MCTP2: variants seen among roughly 807,000 people sequenced by gnomAD.
MCTP2 encodes the protein multiple C2 and transmembrane domain-containing protein 2.
In MCTP2, 132 loss-of-function variants were observed where a neutral mutation model predicts 111.6. The ratio of observed to expected loss-of-function variants is 1.18; its 90% CI spans 1.03 to 1.37. MCTP2 has a LOEUF of 1.37. Ranked by LOEUF, MCTP2 falls within the 40% of genes most tolerant of loss-of-function variation. The pLI is 0.00. For synonymous variants in MCTP2, 395 were observed against 387.7 expected (o/e 1.02, Z -0.22); for missense variants, 1,183 against 1,067.9 (o/e 1.11, Z -1.50).
chr15:94,369,025 T>G (rs1486414027), intron 11 of MCTP2, among the ~76,000 whole-genome samples: 1 of 152,190 alleles, frequency 6.6e-6, no homozygotes, highest in Non-Finnish European at 1.5e-5. Context: ...CTGGATTTGT[T>G]TTTTAAGTTA....
intron 17 of MCTP2, among the ~76,000 whole-genome samples, chr15:94,423,876 A>G (rs1384064818): frequency 2.0e-5 from 3 of 152,228 alleles, no homozygotes; most frequent in Admixed American, 1.3e-4. Flanking sequence ...ATGTATGCAC[A>G]CATATATGCA....
At chr15:94,350,246 G>C (rs2078231102) in intron 8 of MCTP2, among the ~76,000 whole-genome samples, 1 of 152,224 alleles carries the variant, frequency 6.6e-6, no homozygotes, top group Admixed American at 6.5e-5. Context: ...ATGGAGGTAG[G>C]CTGGGATTAA....
At chr15:94,242,399 C>G (rs1316681249) in intron 1 of MCTP2, among the ~76,000 whole-genome samples, 2 of 152,112 alleles carry the variant, frequency 1.3e-5, no homozygotes, top group African/African-American at 2.4e-5. Flanking sequence ...AAGAGGGAGT[C>G]TGGATTCTTC....
At chr15:94,444,820 A>T (rs1424426406) in intron 19 of MCTP2, among the ~76,000 whole-genome samples, 1 of 152,188 alleles carries the variant, frequency 6.6e-6, no homozygotes, top group Non-Finnish European at 1.5e-5. Context: ...TGAAAGGAAG[A>T]TTTCTTCCTG....
rs192625498 is a variant in MCTP2 at position 94,364,281 on chromosome 15, T to C, written c.1302-3324T>C. On this transcript the variant is annotated intron_variant, in intron 10 of 22. Coordinates refer to ENST00000357742, the MANE Select transcript of MCTP2 (RefSeq NM_001385001.1). Reference sequence around the variant, plus strand: ...TTTAGTAGTTGCTACAGAAAACTTATGGCCCACAAACCAAAAATATTTAAT... The same window carrying C: ...TTTAGTAGTTGCTACAGAAAACTTACGGCCCACAAACCAAAAATATTTAAT... Among the ~76,000 whole-genome samples, 126 of 152,276 alleles carry C rather than the reference T, an allele frequency of 8.3e-4. 2 individuals are homozygous for C. The highest frequency in any genetic ancestry group is 2.7e-3 in the African/African-American group (114 of 41,566).
chr15:94,239,797 C>G (rs541416800), intron 1 of MCTP2, among the ~76,000 whole-genome samples: 18 of 152,286 alleles, frequency 1.2e-4, no homozygotes, highest in African/African-American at 4.3e-4. Flanking sequence ...CCAAAAGACA[C>G]GGTGGGGCTT....
chr15:94,388,320 T>C (rs2080643211), intron 14 of MCTP2, among the ~76,000 whole-genome samples: 1 of 152,204 alleles, frequency 6.6e-6, no homozygotes, highest in Admixed American at 6.5e-5. Flanking sequence ...CTTCGGCTGC[T>C]GCTGTTCACT....
At chr15:94,289,743 G>A (rs956579475) in intron 1 of MCTP2, among the ~76,000 whole-genome samples, 2 of 152,134 alleles carry the variant, frequency 1.3e-5, no homozygotes, top group Admixed American at 1.3e-4. Flanking sequence ...CTATACGCTG[G>A]TATGGTAGAC....
intron 11 of MCTP2, among the ~76,000 whole-genome samples, chr15:94,369,644 T>C (rs890364404): frequency 1.3e-5 from 2 of 152,168 alleles, no homozygotes; most frequent in Non-Finnish European, 2.9e-5. Flanking sequence ...GTGATAAGTA[T>C]CTCTGATGGG....
At chr15:94,260,586 C>T (rs544223168) in intron 1 of MCTP2, among the ~76,000 whole-genome samples, 27 of 152,202 alleles carry the variant, frequency 1.8e-4, no homozygotes, top group African/African-American at 6.0e-4. Context: ...TCCATCTCTA[C>T]CTTGAAAAGA....
At chr15:94,401,156 T>TG (rs1371257716) in intron 16 of MCTP2, among the ~76,000 whole-genome samples, 1 of 152,064 alleles carries the variant, frequency 6.6e-6, no homozygotes, top group African/African-American at 2.4e-5. Context: ...CTGGGGAACT[T>TG]GGGGCTGAAA....
intron 21 of MCTP2, among the ~76,000 whole-genome samples, chr15:94,475,131 G>A (rs1333236953): frequency 6.6e-6 from 1 of 152,028 alleles, no homozygotes; most frequent in Non-Finnish European, 1.5e-5. Context: ...TTGCCAAAAA[G>A]CCCATGCTAC....
chr15:94,251,693 G>A (rs899141951), intron 1 of MCTP2, among the ~76,000 whole-genome samples: 1 of 152,112 alleles, frequency 6.6e-6, no homozygotes, highest in African/African-American at 2.4e-5. Flanking sequence ...GTTCAGTGAC[G>A]TTATGTTTAT....
chr15:94,250,556 A>G (rs971258998), intron 1 of MCTP2, among the ~76,000 whole-genome samples: 9 of 152,346 alleles, frequency 5.9e-5, no homozygotes, highest in Admixed American at 5.9e-4. Context: ...AATTACCTAG[A>G]AAACAAAATT....
chr15:94,369,304 T>C (rs763167320), intron 11 of MCTP2, among the ~76,000 whole-genome samples: 7 of 152,200 alleles, frequency 4.6e-5, no homozygotes, highest in Non-Finnish European at 8.8e-5. Flanking sequence ...CACAGGTTTT[T>C]AGCTATCTAA....
intron 2 of MCTP2, among the ~76,000 whole-genome samples, chr15:94,312,032 G>C (rs1474357108): frequency 6.6e-6 from 1 of 152,172 alleles, no homozygotes; most frequent in Non-Finnish European, 1.5e-5. Context: ...CACTTTAGTG[G>C]ATCCCAATAG....
At chr15:94,424,787 T>C (rs1044696231) in intron 17 of MCTP2, among the ~76,000 whole-genome samples, 1 of 152,138 alleles carries the variant, frequency 6.6e-6, no homozygotes, top group Non-Finnish European at 1.5e-5. Flanking sequence ...AGGTCTTAAT[T>C]TGCATTTTTT....
At chr15:94,470,170 C>A (rs1208450967) in intron 20 of MCTP2, among the ~76,000 whole-genome samples, 163 bp from the exon 21 acceptor site, 1 of 152,104 alleles carries the variant, frequency 6.6e-6, no homozygotes, top group African/African-American at 2.4e-5. Flanking sequence ...TTCCAGTACC[C>A]AATCATTTTG....
At position 94,340,229 on chromosome 15, in the gene MCTP2, T is replaced by G; in HGVS notation, c.811T>G (p.Phe271Val). The G allele has an allele frequency of 6.2e-7, 1 of 1,613,254 alleles. No individual in the cohort carries two copies. The highest frequency in any genetic ancestry group is 1.1e-5 in the South Asian group (1 of 91,052). ...TGATCGAGATTTAACCACATCTGAT[T>G]TCATGGGTTCTGCATTTGTCATTCT... The part of the protein sequence containing the change: ...VYDRDLTTSD[F>V]MGSAFVILSD... The change falls in exon 6 of 23, where the codon TTC (phenylalanine) becomes GTC (valine). Residue 271 changes from phenylalanine (F) to valine (V), a missense_variant. Physicochemically the swap from Phe to Val is conservative, Grantham distance 50. Coordinates refer to ENST00000357742, the MANE Select transcript of MCTP2 (RefSeq NM_001385001.1).
Sources: allele counts gnomAD v4.1 joint callset (sites outside exome capture counted in the v4.1 genomes callset), GRCh38; gene constraint gnomAD v4.1.1; transcripts MANE v1.5; gene names NCBI Gene and HGNC (gene_info 2026-07-23, HGNC 2026-07-21).